CASP4: variants seen among roughly 807,000 people sequenced by gnomAD.
CASP4 encodes the protein caspase 4.
A neutral mutation model predicts 41.3 loss-of-function variants in CASP4; 29 were observed. That is an observed-to-expected ratio of 0.70 (90% CI 0.52 to 0.96). The LOEUF is 0.96. Among genes scored for constraint, CASP4 ranks in the 40% least tolerant of loss-of-function variants. CASP4 has a pLI of 0.00. For synonymous variants in CASP4, 185 were observed against 158.4 expected (o/e 1.17, Z -1.26); for missense variants, 447 against 460.6 (o/e 0.97, Z 0.27).
chr11:104,967,343 AAAC>A (rs1370342839), intron 1 of CASP4, among the ~76,000 whole-genome samples: 1 of 152,234 alleles, frequency 6.6e-6, no homozygotes, highest in Non-Finnish European at 1.5e-5. Context: ...AGGAGTAAAG[AAAC>A]AACAACAAGG....
intron 7 of CASP4, among the ~76,000 whole-genome samples, chr11:104,945,461 T>C (rs1458374480): frequency 1.3e-5 from 2 of 152,116 alleles, no homozygotes; most frequent in Non-Finnish European, 2.9e-5. Flanking sequence ...TTTCACTATG[T>C]TGTCCAGGCT....
chr11:104,943,420 C>T (rs1860372580), intron 8 of CASP4: 2 of 165,296 alleles, frequency 1.2e-5, no homozygotes, highest in South Asian at 3.2e-4. Flanking sequence ...GCATAAGAAC[C>T]ACATTATTCA....
intron 1 of CASP4, among the ~76,000 whole-genome samples, chr11:104,958,040 G>A (rs1006350896): frequency 6.6e-6 from 1 of 151,878 alleles, no homozygotes; most frequent in African/African-American, 2.4e-5. Context: ...CACACAACTG[G>A]GAAAGAACAA....
At chr11:104,949,983 C>T (rs763324585) in intron 4 of CASP4, among the ~76,000 whole-genome samples, 1 of 152,146 alleles carries the variant, frequency 6.6e-6, no homozygotes, top group Admixed American at 6.6e-5. Context: ...TTCCTGCTGA[C>T]ATACTGTCTT....
intron 7 of CASP4, among the ~76,000 whole-genome samples, chr11:104,945,987 AG>A: frequency 6.6e-6 from 1 of 152,156 alleles, no homozygotes; most frequent in East Asian, 1.9e-4. Context: ...CTCGGATTAC[AG>A]GTTCCAGTCA....
chr11:104,948,406 G>A, intron 6 of CASP4, 127 bp downstream of exon 6: 1 of 956,636 alleles, frequency 1.0e-6, no homozygotes, highest in South Asian at 2.7e-5. Flanking sequence ...ATAAGATCAT[G>A]TAAAATATGT....
chr11:104,964,979 T>G (rs2134661076), intron 1 of CASP4, among the ~76,000 whole-genome samples: 1 of 152,332 alleles, frequency 6.6e-6, no homozygotes, highest in South Asian at 2.1e-4. Context: ...TAAAGCTTAT[T>G]TTGGTAAACA....
Position 104,944,762 on chromosome 11 carries a change from A to T in CASP4, c.1125T>A (p.Pro375=). The T allele has an allele frequency of 6.2e-7, 1 of 1,606,042 alleles. No individual in the cohort carries two copies. Among genetic ancestry groups the T allele is most frequent in the Non-Finnish European group, 8.5e-7 (1 of 1,172,748 alleles). The change falls in exon 8 of 9, where the codon CCT becomes CCA. Residue 375 remains proline (P), a synonymous_variant. Transcript: ENST00000444739. ...LSMTRYFYLF[P]GN ...CAATACTTAACCATTTTCAATTGCC[A>T]GGAAAGAGGTAGAAATATCTTGTCA...
intron 8 of CASP4, 107 bp downstream of exon 8, chr11:104,944,641 A>G (rs1001699757): frequency 2.9e-5 from 20 of 694,578 alleles, no homozygotes; most frequent in Non-Finnish European, 4.6e-5. Context: ...CAACAAAAAC[A>G]CCAATTTGAC....
At chr11:104,957,973 C>T (rs902377882) in intron 1 of CASP4, among the ~76,000 whole-genome samples, 4 of 151,984 alleles carry the variant, frequency 2.6e-5, no homozygotes, top group African/African-American at 9.7e-5. Flanking sequence ...GACAGAAAAC[C>T]CAGAAATAAA....
intron 2 of CASP4, among the ~76,000 whole-genome samples, chr11:104,952,564 C>A (rs1337479510): frequency 1.3e-5 from 2 of 152,118 alleles, no homozygotes; most frequent in Non-Finnish European, 2.9e-5. Flanking sequence ...TAATAGTTAT[C>A]CCATACAGGA....
At chr11:104,961,888 G>C (rs1420829559) in intron 1 of CASP4, among the ~76,000 whole-genome samples, 1 of 152,162 alleles carries the variant, frequency 6.6e-6, no homozygotes, top group Non-Finnish European at 1.5e-5. Context: ...CTGTCTCATG[G>C]TGACTATCTG....
chr11:104,958,358 T>C (rs1860782249), intron 1 of CASP4, among the ~76,000 whole-genome samples: 1 of 152,112 alleles, frequency 6.6e-6, no homozygotes. Context: ...AACAGTATGG[T>C]AGAGAAGATT....
intron 7 of CASP4, 45 bp downstream of exon 7, chr11:104,947,038 T>C (rs1860477555): frequency 7.4e-7 from 1 of 1,348,162 alleles, no homozygotes; most frequent in African/African-American, 1.4e-5. Context: ...TCATGACAAA[T>C]TCTTCCTGAA....
rs561464241 is a variant in CASP4, at chr11:104,949,673, G to A, written c.651C>T (p.Cys217=). 102 of 1,613,884 alleles carry A rather than the reference G, an allele frequency of 6.3e-5. No individual in the cohort carries two copies. The highest frequency in any genetic ancestry group is 3.3e-4 in the Middle Eastern group (2 of 6,060). The change falls in exon 5 of 9, where the codon TGC becomes TGT. Residue 217 remains cysteine (C), a synonymous_variant. Transcript: ENST00000444739. ...LMSHGILEGI[C]GTVHDEKKPD... is the part of the protein sequence containing the mutation. ...GTTTTTTCTCATCATGCACAGTTCC[G>A]CAGATTCCCTCCAGGATGCCATGAG...
intron 1 of CASP4, among the ~76,000 whole-genome samples, chr11:104,959,012 GA>G (rs1207045446): frequency 2.1e-5 from 3 of 146,030 alleles, no homozygotes; most frequent in African/African-American, 5.0e-5. Flanking sequence ...GGTCTTTATG[GA>G]AACCTATATG....
intron 2 of CASP4, among the ~76,000 whole-genome samples, chr11:104,953,191 A>G (rs1219833134): frequency 6.6e-6 from 1 of 152,124 alleles, no homozygotes; most frequent in Non-Finnish European, 1.5e-5. Flanking sequence ...CTGCCCAAAG[A>G]GAGCTGGATA....
chr11:104,950,973 A>G lies in CASP4; in HGVS notation c.498T>C (p.Leu166=). 1 of 1,613,402 alleles carries G rather than the reference A, an allele frequency of 6.2e-7. No homozygotes were observed. The highest frequency in any genetic ancestry group is 2.2e-5 in the East Asian group (1 of 44,864). ...CATCTACACTATAGTCCAGACCCTC[A>G]AGTAGCTCCTTCATCCCTGTGATGT... is the stretch of plus-strand genomic sequence containing the variant. ...DFDITGMKEL[L]EGLDYSVDVE... Residue 166 remains leucine, a synonymous_variant, in exon 4 of 9, where the codon CTT becomes CTC. Coordinates refer to ENST00000444739, the MANE Select transcript of CASP4 (RefSeq NM_001225.4).
At chr11:104,958,322 ACAAT>A (rs1214123240) in intron 1 of CASP4, among the ~76,000 whole-genome samples, 1 of 152,192 alleles carries the variant, frequency 6.6e-6, no homozygotes, top group East Asian at 1.9e-4. Flanking sequence ...AGTCAAAGAA[ACAAT>A]CAAAAGATTA....
Sources: gnomAD v4.1 joint callset for allele counts (sites outside exome capture counted in the v4.1 genomes callset) on GRCh38, gnomAD v4.1.1 for gene constraint, MANE v1.5 for transcripts, NCBI Gene and HGNC (gene_info 2026-07-23, HGNC 2026-07-21) for gene names.